Variants in CFAP95 observed in about 807,000 individuals in gnomAD.
CFAP95 encodes the protein cilia and flagella associated protein 95.
At chr9:69,869,995 T>G in the CFAP95 span, among the ~76,000 whole-genome samples, 1 of 152,216 alleles carries the variant, frequency 6.6e-6, no homozygotes, top group East Asian at 1.9e-4. Context: ...CAGAGGTGGC[T>G]TCACAGGAAT....
At chr9:69,822,912 G>T in the CFAP95 span, among the ~76,000 whole-genome samples, 2 of 152,120 alleles carry the variant, frequency 1.3e-5, no homozygotes, top group Admixed American at 1.3e-4. Flanking sequence ...CTACATGTTG[G>T]GGACATAGAG....
the CFAP95 span, chr9:69,884,972 T>C: frequency 2.6e-4 from 40 of 152,348 alleles, no homozygotes; most frequent in African/African-American, 9.4e-4. Flanking sequence ...TGCTGAGATA[T>C]GTATTGCTGG....
At chr9:69,875,100 T>C in the CFAP95 span, among the ~76,000 whole-genome samples, 1 of 152,216 alleles carries the variant, frequency 6.6e-6, no homozygotes, top group Non-Finnish European at 1.5e-5. Context: ...TAGAGGAATA[T>C]CCATGTTGAT....
At chr9:69,843,504 CCCCTCCTCCTCCTCCTCCT>C in the CFAP95 span, among the ~76,000 whole-genome samples, 27 of 7,312 alleles carry the variant, frequency 3.7e-3, 5 homozygotes, top group African/African-American at 0.012. Context: ...TCCTCCTCCC[CCCCTCCTCCTCCTCCTCCT>C]CCTCCTCCTC....
At chr9:69,844,407 A>T in the CFAP95 span, 1 of 596,114 alleles carries the variant, frequency 1.7e-6, no homozygotes, top group Non-Finnish European at 2.8e-6. Context: ...ATAAATTTAT[A>T]CTTAATACTA....
At chr9:69,849,357 G>A in the CFAP95 span, among the ~76,000 whole-genome samples, 21 of 152,196 alleles carry the variant, frequency 1.4e-4, no homozygotes, top group African/African-American at 4.8e-4. Flanking sequence ...AAAGAAGGAA[G>A]GGAGGGAGGA....
the CFAP95 span, chr9:69,821,145 A>G: frequency 8.3e-7 from 1 of 1,200,878 alleles, no homozygotes; most frequent in South Asian, 1.7e-5. Flanking sequence ...TGGAGACGAC[A>G]GAGGAAACGG....
At chr9:69,857,173 TTGA>T in the CFAP95 span, among the ~76,000 whole-genome samples, 222 of 152,342 alleles carry the variant, frequency 1.5e-3, no homozygotes, top group South Asian at 2.5e-3. Flanking sequence ...TAATTGCTTT[TTGA>T]TTTTTGTTCT....
At chr9:69,864,297 TTG>T in the CFAP95 span, among the ~76,000 whole-genome samples, 2 of 150,982 alleles carry the variant, frequency 1.3e-5, no homozygotes, top group Non-Finnish European at 1.5e-5. Flanking sequence ...CTTTTGGAAA[TTG>T]TGTGTGTGTG....
chr9:69,903,611 A>AC, the CFAP95 span, among the ~76,000 whole-genome samples: 39 of 152,288 alleles, frequency 2.6e-4, no homozygotes, highest in African/African-American at 9.1e-4. Context: ...TACAATTTTA[A>AC]TTTTTTAGAG....
the CFAP95 span, among the ~76,000 whole-genome samples, chr9:69,825,960 C>T: frequency 2.0e-5 from 3 of 152,072 alleles, no homozygotes; most frequent in African/African-American, 7.2e-5. Flanking sequence ...ACTTTTCTTC[C>T]CTGCCTAAGC....
At chr9:69,839,616 C>T in the CFAP95 span, among the ~76,000 whole-genome samples, 187 of 150,892 alleles carry the variant, frequency 1.2e-3, 1 homozygote, top group African/African-American at 4.1e-3. Context: ...TTAGTAGAGA[C>T]GGGGTTTCAC....
the CFAP95 span, chr9:69,856,602 C>T: frequency 1.2e-6 from 2 of 1,611,902 alleles, no homozygotes; most frequent in Non-Finnish European, 1.7e-6. Context: ...TGTGTTTAAA[C>T]ACAGAATGGG....
At chr9:69,904,189 C>T in the CFAP95 span, among the ~76,000 whole-genome samples, 16 of 152,206 alleles carry the variant, frequency 1.1e-4, no homozygotes, top group Non-Finnish European at 2.1e-4. Flanking sequence ...AACTCAGTAT[C>T]TATTAACAGT....
At chr9:69,833,022 G>A in the CFAP95 span, among the ~76,000 whole-genome samples, 1 of 152,170 alleles carries the variant, frequency 6.6e-6, no homozygotes, top group Middle Eastern at 3.4e-3. Context: ...TTATTAAGAT[G>A]TAATTCACAT....
At chr9:69,821,050 C>A in the CFAP95 span, 1 of 1,610,218 alleles carries the variant, frequency 6.2e-7, no homozygotes, top group Non-Finnish European at 8.5e-7. Flanking sequence ...AGTCCCCTCG[C>A]AAGTTCCCGG....
At chr9:69,840,964 GA>G in the CFAP95 span, among the ~76,000 whole-genome samples, 2 of 151,022 alleles carry the variant, frequency 1.3e-5, no homozygotes, top group East Asian at 1.9e-4. Context: ...GTTGCTATAG[GA>G]AAAAAGAACA....
At chr9:69,846,315 G>A in the CFAP95 span, among the ~76,000 whole-genome samples, 6 of 152,028 alleles carry the variant, frequency 3.9e-5, no homozygotes, top group Admixed American at 3.3e-4. Flanking sequence ...TCAAGCCTCA[G>A]GTTTAATGAG....
chr9:69,836,397 C>T, the CFAP95 span, among the ~76,000 whole-genome samples: 4 of 152,070 alleles, frequency 2.6e-5, no homozygotes, highest in Non-Finnish European at 4.4e-5. Flanking sequence ...CCTCTACCCG[C>T]TAGACACTGG....
Sources: allele counts gnomAD v4.1 joint callset (sites outside exome capture counted in the v4.1 genomes callset), GRCh38; gene constraint gnomAD v4.1.1; transcripts MANE v1.5; gene names NCBI Gene and HGNC (gene_info 2026-07-23, HGNC 2026-07-21).